Variants in PCDHA11 observed in about 807,000 individuals in gnomAD.
PCDHA11 encodes the protein protocadherin alpha-11.
Under a neutral mutation model 70.3 loss-of-function variants are expected in PCDHA11, and 61 were observed. That is an observed-to-expected ratio of 0.87 (90% CI 0.71 to 1.07). PCDHA11 has a LOEUF of 1.07. Ranked by LOEUF, PCDHA11 falls within the 50% of genes least tolerant of loss-of-function variation. The pLI is 0.00. For synonymous variants in PCDHA11, 633 were observed against 555.1 expected, an observed-to-expected ratio of 1.14 and a Z score of -1.97; for missense variants, 1,324 against 1,237.5, an observed-to-expected ratio of 1.07 and a Z score of -1.05.
intron 1 of PCDHA11, among the ~76,000 whole-genome samples, chr5:140,941,460 C>T (rs530075226): frequency 4.6e-4 from 69 of 151,184 alleles, no homozygotes; most frequent in African/African-American, 1.6e-3. Context: ...GGATTACAGG[C>T]GCCCACCACC....
intron 1 of PCDHA11, among the ~76,000 whole-genome samples, chr5:140,913,872 G>A (rs2076493472): frequency 6.6e-6 from 1 of 151,980 alleles, no homozygotes; most frequent in Non-Finnish European, 1.5e-5. Flanking sequence ...TAATTTCCAT[G>A]TGTTCATGTA....
intron 1 of PCDHA11, among the ~76,000 whole-genome samples, chr5:140,889,202 T>G (rs1329949873): frequency 6.6e-6 from 1 of 151,910 alleles, no homozygotes; most frequent in Non-Finnish European, 1.5e-5. Context: ...ACTTGAATAC[T>G]TAACAAAGAA....
At chr5:140,967,351 G>C in intron 1 of PCDHA11, 1 of 1,608,106 alleles carries the variant, frequency 6.2e-7, no homozygotes, top group South Asian at 1.1e-5. Context: ...ACTTCGAGCT[G>C]GACCTTAAGC....
intron 1 of PCDHA11, chr5:140,968,708 A>G: frequency 1.2e-6 from 2 of 1,614,126 alleles, no homozygotes; most frequent in Non-Finnish European, 1.7e-6. Flanking sequence ...TACCAGGAAG[A>G]TGGGAGATGA....
rs782343997 is a variant in PCDHA11 at position 140,882,709 on chromosome 5, T to C, written c.2391+11215T>C. 6 of 1,614,022 alleles carry C rather than the reference T, an allele frequency of 3.7e-6. No homozygotes were observed. In the Admixed American group the frequency reaches 6.7e-5, roughly 18 times the overall value. ...GAATAATCATTGCAGAATCTAGACC[T>C]CCGGAAACTCGATTTCCACTAGATG... is the stretch of plus-strand genomic sequence containing the variant. On this transcript the variant is annotated intron_variant, in intron 1 of 3. Coordinates refer to ENST00000398640, the MANE Select transcript of PCDHA11 (RefSeq NM_018902.5).
intron 1 of PCDHA11, chr5:140,928,782 T>C (rs2085522837): frequency 6.2e-7 from 1 of 1,614,030 alleles, no homozygotes; most frequent in East Asian, 2.2e-5. Context: ...CTGATGCAGT[T>C]AAGCAGAGGG....
chr5:140,968,317 A>G (rs144335538), intron 1 of PCDHA11: 1 of 1,613,890 alleles, frequency 6.2e-7, no homozygotes, highest in African/African-American at 1.3e-5. Context: ...AAGGGCTGCC[A>G]GTCACCTCCT....
At chr5:140,941,214 C>CCTTTCTTTCTTCCTTTCTTT (rs2092876516) in intron 1 of PCDHA11, among the ~76,000 whole-genome samples, 18 of 122,412 alleles carry the variant, frequency 1.5e-4, no homozygotes, top group Non-Finnish European at 2.9e-4. Context: ...TTTCTTTCTT[C>CCTTTCTTTCTTCCTTTCTTT]CTTTCTTTCT....
chr5:141,006,404 G>A (rs1001810745), intron 3 of PCDHA11, among the ~76,000 whole-genome samples: 2 of 151,938 alleles, frequency 1.3e-5, no homozygotes, highest in East Asian at 1.9e-4. Flanking sequence ...TAGTAGAGAC[G>A]CGGTTTCACT....
chr5:140,967,044 A>G, intron 1 of PCDHA11: 3 of 1,612,116 alleles, frequency 1.9e-6, no homozygotes, highest in Non-Finnish European at 2.5e-6. Context: ...CTGGAGCTGG[A>G]CCTGACGAGT....
chr5:140,981,489 G>A (rs1554242906), intron 2 of PCDHA11, among the ~76,000 whole-genome samples: 1 of 152,194 alleles, frequency 6.6e-6, no homozygotes, highest in Non-Finnish European at 1.5e-5. Flanking sequence ...CAGGAGAATT[G>A]CTTGAACCTG....
At chr5:140,918,263 G>A (rs2078602453) in intron 1 of PCDHA11, among the ~76,000 whole-genome samples, 1 of 152,214 alleles carries the variant, frequency 6.6e-6, no homozygotes, top group East Asian at 1.9e-4. Context: ...TTTGCTGGAG[G>A]TTTTATCAGA....
At chr5:140,883,912 C>A in intron 1 of PCDHA11, 1 of 1,613,300 alleles carries the variant, frequency 6.2e-7, no homozygotes, top group South Asian at 1.1e-5. Context: ...TGGGCAGCAA[C>A]GTGACGCTGC....
intron 1 of PCDHA11, chr5:140,884,015 C>T: frequency 6.2e-7 from 1 of 1,613,158 alleles, no homozygotes. Flanking sequence ...GCTGATGCCG[C>T]GGTCGGTGGG....
At chr5:140,955,797 T>C (rs1374924586) in intron 1 of PCDHA11, among the ~76,000 whole-genome samples, 3 of 152,212 alleles carry the variant, frequency 2.0e-5, no homozygotes, top group Non-Finnish European at 4.4e-5. Flanking sequence ...TGTTTTTCTA[T>C]TTGTTTGTGT....
chr5:140,921,129 C>T (rs998046424), intron 1 of PCDHA11, among the ~76,000 whole-genome samples: 1 of 139,232 alleles, frequency 7.2e-6, no homozygotes, highest in South Asian at 2.4e-4. Context: ...TACAGGTGCA[C>T]ACCACTACAC....
At chr5:140,969,180 C>T in intron 1 of PCDHA11, 1 of 1,614,110 alleles carries the variant, frequency 6.2e-7, no homozygotes, top group Non-Finnish European at 8.5e-7. Context: ...GGGAGTGACA[C>T]TTTCATGTTT....
At position 140,876,889 on chromosome 5, in the gene PCDHA11, C is replaced by G. The variant is rs1409299527; in HGVS notation, c.2391+5395C>G. On this transcript the variant is annotated intron_variant, in intron 1 of 3. Coordinates refer to ENST00000398640, the MANE Select transcript of PCDHA11 (RefSeq NM_018902.5). ...GAAGGAGAACAACCCGCCGGGCTGC[C>G]ACATCTTCACGGTGTCGGCATGGGA... 3.1e-6 allele frequency: 5 copies of G among 1,613,996 alleles called. No homozygotes were observed. In the African/African-American group the frequency reaches 6.7e-5, roughly 22 times the overall value.
At chr5:140,998,095 CA>C (rs1482651958) in intron 3 of PCDHA11, among the ~76,000 whole-genome samples, 1 of 152,106 alleles carries the variant, frequency 6.6e-6, no homozygotes, top group Non-Finnish European at 1.5e-5. Flanking sequence ...AATGCTAGAG[CA>C]AACAGAGGAG....
Sources: gnomAD v4.1 joint callset for allele counts (sites outside exome capture counted in the v4.1 genomes callset) on GRCh38, gnomAD v4.1.1 for gene constraint, MANE v1.5 for transcripts, NCBI Gene and HGNC (gene_info 2026-07-23, HGNC 2026-07-21) for gene names.